ANKS6: variants seen among roughly 807,000 people sequenced by gnomAD.
ANKS6 encodes the protein ankyrin repeat and sterile alpha motif domain containing 6.
Under a neutral mutation model 77.9 loss-of-function variants are expected in ANKS6, and 47 were observed. The ratio of observed to expected loss-of-function variants is 0.60; its 90% CI spans 0.48 to 0.77. ANKS6 has a LOEUF of 0.77. ANKS6 is among the 30% of genes least tolerant of loss of function. The probability of loss-of-function intolerance (pLI) is 0.00; values close to 1 mark genes in which losing one functional copy is unlikely to be tolerated. For missense variants in ANKS6, 1,150 were observed against 1,159.1 expected (o/e 0.99, Z 0.11); for synonymous variants, 488 against 501.7 (o/e 0.97, Z 0.37).
chr9:98,756,389 A>G, intron 12 of ANKS6, 31 bp downstream of exon 12: 4 of 1,602,000 alleles, frequency 2.5e-6, no homozygotes, highest in Non-Finnish European at 3.4e-6. Context: ...TGAGAGGAAT[A>G]GGTGGGGTTT....
At position 98,735,401 on chromosome 9, in the gene ANKS6, A is replaced by G; in HGVS notation, c.*1118T>C. On this transcript the variant is annotated 3_prime_UTR_variant, in exon 15 of 15. Transcript: ENST00000353234. ...CTGGCTGAATGAGTCATTCACTGGA[A>G]AACACTTCAGAAAGCCAGTGGGTTT... 1 of 1,134,494 alleles carries G rather than the reference A, an allele frequency of 8.8e-7. No individual in the cohort carries two copies. Among genetic ancestry groups the G allele is most frequent in the Non-Finnish European group, 1.1e-6 (1 of 927,858 alleles). The allele number at this position is 1,134,494 out of a possible 1,614,324, so 70.3% of individuals were successfully genotyped here.
intron 5 of ANKS6, among the ~76,000 whole-genome samples, chr9:98,781,475 G>C (rs1361136113): frequency 6.6e-6 from 1 of 152,208 alleles, no homozygotes; most frequent in Non-Finnish European, 1.5e-5. Flanking sequence ...CAATGAGGTG[G>C]AGTAGGATCA....
In ANKS6 at chr9:98,734,633, C is replaced by T; in HGVS notation, c.*1886G>A. On this transcript the variant is annotated 3_prime_UTR_variant, in exon 15 of 15. Coordinates refer to ENST00000353234, the MANE Select transcript of ANKS6 (RefSeq NM_173551.5). ...ACCAGGTCCGGTTCTGACCCCAGAT[C>T]TGCTCCTTCTGGGCTGTTTAACTGG... 1 of 959,262 alleles carries T rather than the reference C, an allele frequency of 1.0e-6. No homozygotes were observed. The allele number at this position is 959,262 out of a possible 1,614,324, so 59.4% of individuals were successfully genotyped here. A position where few individuals can be genotyped will look rare whatever the true frequency, so the allele number is the denominator to read the frequency against.
intron 10 of ANKS6, among the ~76,000 whole-genome samples, chr9:98,769,966 CTTTG>C (rs1588377903): frequency 6.6e-6 from 1 of 152,156 alleles, no homozygotes; most frequent in South Asian, 2.1e-4. Flanking sequence ...TGAGATTATA[CTTTG>C]TTTTAGTCTC....
At chr9:98,755,264 G>C (rs576825244) in intron 12 of ANKS6, among the ~76,000 whole-genome samples, 1 of 152,154 alleles carries the variant, frequency 6.6e-6, no homozygotes, top group Non-Finnish European at 1.5e-5. Flanking sequence ...GCCCGCAAAC[G>C]CATTTGTGAG....
At chr9:98,766,061 C>T (rs1833264776) in intron 11 of ANKS6, among the ~76,000 whole-genome samples, 1 of 152,140 alleles carries the variant, frequency 6.6e-6, no homozygotes, top group African/African-American at 2.4e-5. Flanking sequence ...TCCCGAGAGC[C>T]TCATTCAGGT....
chr9:98,779,109 G>A (rs1478006952), intron 6 of ANKS6, among the ~76,000 whole-genome samples: 2 of 152,198 alleles, frequency 1.3e-5, no homozygotes, highest in South Asian at 2.1e-4. Context: ...CAAAAGGAGC[G>A]CCGAGTCTGC....
At position 98,796,192 on chromosome 9, in the gene ANKS6, G is replaced by C. The variant is rs992705120; in HGVS notation, c.300C>G (p.Arg100=). The change falls in exon 1 of 15, where the codon CGC becomes CGG. Residue 100 remains arginine (R), a synonymous_variant. Coordinates refer to ENST00000353234, the MANE Select transcript of ANKS6 (RefSeq NM_173551.5). ...HEPLVRFLLR[R]GASVNSRNHY... is the part of the protein sequence containing the mutation. ...GGTTGCGGCTGTTGACCGAGGCACC[G>C]CGGCGCAGCAGGAAGCGCACCAGCG... The C allele has an allele frequency of 7.0e-6, 10 of 1,418,760 alleles. No homozygotes were observed. In the African/African-American group the frequency reaches 1.0e-4, roughly 15 times the overall value. 87.9% of individuals were successfully genotyped at this position (1,418,760 alleles called of 1,614,324 possible).
intron 2 of ANKS6, among the ~76,000 whole-genome samples, chr9:98,785,673 G>C (rs1337104288): frequency 6.6e-6 from 1 of 152,126 alleles, no homozygotes; most frequent in African/African-American, 2.4e-5. Context: ...CTGAAGGCAG[G>C]CCTTCTGCAG....
In ANKS6 at chr9:98,732,806, G is replaced by A; in HGVS notation, c.*3713C>T. The A allele has an allele frequency of 7.5e-7, 1 of 1,324,862 alleles. No homozygotes were observed. The highest frequency in any genetic ancestry group is 9.6e-7 in the Non-Finnish European group (1 of 1,038,180). The allele number at this position is 1,324,862 out of a possible 1,614,324, so 82.1% of individuals were successfully genotyped here. On this transcript the variant is annotated 3_prime_UTR_variant, in exon 15 of 15. Transcript: ENST00000353234. ...TCCAGTGCTCTTTCCAGGGTAACAG[G>A]TTGCTTCTACTCATTTTAAAGGACT...
At chr9:98,759,921 T>C (rs1427282082) in intron 11 of ANKS6, among the ~76,000 whole-genome samples, 2 of 152,160 alleles carry the variant, frequency 1.3e-5, no homozygotes, top group South Asian at 2.1e-4. Context: ...TCTATACCAC[T>C]GTAGGATGAC....
chr9:98,752,439 C>CCCTTCCTT (rs945761926), intron 12 of ANKS6, among the ~76,000 whole-genome samples: 4 of 152,170 alleles, frequency 2.6e-5, no homozygotes, highest in South Asian at 4.2e-4. Context: ...CTCCCTCTTT[C>CCCTTCCTT]CCTTCCTTCC....
At chr9:98,785,932 G>T (rs972156857) in intron 2 of ANKS6, among the ~76,000 whole-genome samples, 2 of 152,174 alleles carry the variant, frequency 1.3e-5, no homozygotes, top group African/African-American at 4.8e-5. Context: ...TAATGTTAAG[G>T]CGCCATTCAA....
At chr9:98,762,753 T>C (rs1329303745) in intron 11 of ANKS6, among the ~76,000 whole-genome samples, 1 of 152,156 alleles carries the variant, frequency 6.6e-6, no homozygotes, top group Non-Finnish European at 1.5e-5. Flanking sequence ...GTATTATACT[T>C]TGTATTTAAT....
At chr9:98,750,930 A>C in intron 13 of ANKS6, 99 bp downstream of exon 13, 18 of 915,346 alleles carry the variant, frequency 2.0e-5, no homozygotes, top group Non-Finnish European at 3.1e-5. Context: ...TCTCAGTGCA[A>C]GAGATCAATC....
In ANKS6 at chr9:98,735,193, C is replaced by T; in HGVS notation, c.*1326G>A. The T allele has an allele frequency of 1.0e-6, 1 of 985,720 alleles. No individual in the cohort carries two copies. Among genetic ancestry groups the T allele is most frequent in the African/African-American group, 1.7e-5 (1 of 57,362 alleles). 61.1% of individuals were successfully genotyped at this position (985,720 alleles called of 1,614,324 possible). On this transcript the variant is annotated 3_prime_UTR_variant, in exon 15 of 15. Transcript: ENST00000353234. The stretch of plus-strand genomic sequence containing the variant: ...CTGGTTCTAAGCTCCAACTAAGAGG[C>T]CATTGAGCTTCATCTGAACTTTGAA...
chr9:98,772,883 T>C (rs1387425175), intron 9 of ANKS6, among the ~76,000 whole-genome samples: 1 of 152,150 alleles, frequency 6.6e-6, no homozygotes, highest in Admixed American at 6.5e-5. Flanking sequence ...GCTCCCTGCC[T>C]CATGTTCTGT....
intron 14 of ANKS6, among the ~76,000 whole-genome samples, chr9:98,744,118 C>A (rs779590103): frequency 1.3e-5 from 2 of 152,126 alleles, no homozygotes; most frequent in African/African-American, 2.4e-5. Flanking sequence ...TCTAGGCCCA[C>A]GCAACAACCA....
rs1064795396 is a variant in ANKS6, at chr9:98,796,340, CCCGCCGGCTCCGCGCCCG to C, written c.134_151del (p.Ala45_Ala50del). The C allele has an allele frequency of 1.7e-6, 2 of 1,179,396 alleles. No homozygotes were observed. Among genetic ancestry groups the C allele is most frequent in the Non-Finnish European group, 2.1e-6 (2 of 955,610 alleles). 73.1% of individuals were successfully genotyped at this position (1,179,396 alleles called of 1,614,324 possible). On this transcript the variant is annotated inframe_deletion, in exon 1 of 15. Transcript: ENST00000353234. The stretch of plus-strand genomic sequence containing the variant: ...GGCCCCGGGCCCGGCCACCTCGGCC[CCCGCCGGCTCCGCGCCCG>C]CCTCCGGCTCCGCGCCGCGCTCGGC...
Sources: gnomAD v4.1 joint callset for allele counts (sites outside exome capture counted in the v4.1 genomes callset) on GRCh38, gnomAD v4.1.1 for gene constraint, MANE v1.5 for transcripts, NCBI Gene and HGNC (gene_info 2026-07-23, HGNC 2026-07-21) for gene names.